Variants in CENPK observed in about 807,000 individuals in gnomAD.
CENPK encodes the protein centromere protein K, also known as SoxLZ/Sox6-binding protein Solt.
A neutral mutation model predicts 40.9 loss-of-function variants in CENPK; 46 were observed. That is an observed-to-expected ratio of 1.13 (90% CI 0.89 to 1.44). CENPK has a LOEUF of 1.44. Ranked by LOEUF, CENPK falls within the 40% of genes most tolerant of loss-of-function variation. The pLI, the probability that CENPK is intolerant of heterozygous loss-of-function variation, is 0.00. For synonymous variants in CENPK, 107 were observed against 104.4 expected (o/e 1.02, Z -0.15); for missense variants, 288 against 303.5 (o/e 0.95, Z 0.38).
intron 9 of CENPK, among the ~76,000 whole-genome samples, chr5:65,526,525 A>G (rs1744735777): frequency 6.6e-6 from 1 of 152,230 alleles, no homozygotes; most frequent in South Asian, 2.1e-4. Context: ...ATATGAACTG[A>G]GAAGGTTCTA....
At chr5:65,534,829 A>C (rs1746584704) in intron 6 of CENPK, among the ~76,000 whole-genome samples, 1 of 152,250 alleles carries the variant, frequency 6.6e-6, no homozygotes, top group Non-Finnish European at 1.5e-5. Flanking sequence ...GAGTTGGGCA[A>C]ACAGTTCTTA....
At chr5:65,551,679 T>C (rs765038147) in intron 4 of CENPK, 43 bp from the exon 5 acceptor site, 5 of 1,033,778 alleles carry the variant, frequency 4.8e-6, no homozygotes, top group African/African-American at 3.3e-5. Context: ...GGACTATTCA[T>C]ACCTATTCAT....
chr5:65,528,493 C>A lies in CENPK; in HGVS notation c.556G>T (p.Asp186Tyr), dbSNP rs773227049. The change falls in exon 9 of 11, where the codon GAC becomes TAC. Residue 186 changes from aspartate to tyrosine, a missense_variant. Asp to Tyr is a radical substitution (Grantham distance 160, BLOSUM62 -3). Coordinates refer to ENST00000396679, the MANE Select transcript of CENPK (RefSeq NM_022145.5). ...CTTCTATCAGGCAGAGGAAAATGGT[C>A]TTCTAGAAACTCGCCCAAGGTACTC... ...LLSTLGEFLE[D>Y]HFPLPDRSVK... is the part of the protein sequence containing the mutation. 9.3e-6 allele frequency: 15 copies of A among 1,606,618 alleles called. No individual in the cohort carries two copies. The highest frequency in any genetic ancestry group is 9.3e-6 in the Non-Finnish European group (11 of 1,177,948).
intron 6 of CENPK, among the ~76,000 whole-genome samples, chr5:65,533,906 G>A (rs1041686448): frequency 2.6e-5 from 4 of 151,738 alleles, no homozygotes; most frequent in Admixed American, 2.0e-4. Flanking sequence ...TTAGCCAGGC[G>A]CACTAGTGGC....
chr5:65,547,409 T>A (rs934203897), intron 5 of CENPK, among the ~76,000 whole-genome samples: 21 of 129,034 alleles, frequency 1.6e-4, no homozygotes, highest in African/African-American at 3.2e-4. Context: ...AAAAAAAAAA[T>A]TTTGAGTATG....
At chr5:65,562,247 G>A (rs185845457) in intron 1 of CENPK, among the ~76,000 whole-genome samples, 51 of 152,294 alleles carry the variant, frequency 3.3e-4, no homozygotes, top group African/African-American at 1.2e-3. Context: ...TCGCTGTGGA[G>A]ATGCTTTCAA....
chr5:65,543,679 A>G (rs1748377565), intron 5 of CENPK, among the ~76,000 whole-genome samples: 1 of 152,224 alleles, frequency 6.6e-6, no homozygotes, highest in Non-Finnish European at 1.5e-5. Flanking sequence ...ACACTTTTAG[A>G]TTAACTTTGT....
Position 65,535,995 on chromosome 5 carries a change from G to T in CENPK, c.289-6796C>A, listed in dbSNP as rs77609628. Among the ~76,000 whole-genome samples, 109 of 152,348 alleles carry T rather than the reference G, an allele frequency of 7.2e-4. 4 individuals are homozygous for T. The East Asian group carries it at 0.021, about 29-fold the overall frequency. ...GCACTGCGATAAGTTACTGTAGGTA[G>T]AAGTTACCAGTAAAATATACAATGA... On this transcript the variant is annotated intron_variant, in intron 6 of 10. Coordinates refer to ENST00000396679, the MANE Select transcript of CENPK (RefSeq NM_022145.5).
rs563611672 is a variant in CENPK, at chr5:65,561,921, T to C, written c.-141-357A>G. On this transcript the variant is annotated intron_variant, in intron 1 of 10. Transcript: ENST00000396679. ...TGGTCAGACACTGGCTTTAGCTGTGTAGATGAAAAAGTCTTTGTACTTGTA... is the reference window on the plus strand; with the variant it reads ...TGGTCAGACACTGGCTTTAGCTGTGCAGATGAAAAAGTCTTTGTACTTGTA... Among the ~76,000 whole-genome samples the C allele has an allele frequency of 5.3e-5, 8 of 152,290 alleles. 2 individuals are homozygous for C. The highest frequency in any genetic ancestry group is 1.9e-4 in the African/African-American group (8 of 41,554).
At chr5:65,547,091 T>C (rs942760466) in intron 5 of CENPK, among the ~76,000 whole-genome samples, 26 of 152,148 alleles carry the variant, frequency 1.7e-4, no homozygotes, top group African/African-American at 6.3e-4. Flanking sequence ...TCTGGAGAAC[T>C]TGAACATTTT....
At chr5:65,514,256 TTTTTTA>T (rs1742701872), downstream of CENPK, among the ~76,000 whole-genome samples, 15 of 28,268 alleles carry the variant, frequency 5.3e-4, no homozygotes, top group African/African-American at 9.9e-4. Context: ...TTTTTTTTTT[TTTTTTA>T]GTTTTTTTTA....
At chr5:65,530,729 T>C (rs980252525) in intron 6 of CENPK, among the ~76,000 whole-genome samples, 2 of 150,984 alleles carry the variant, frequency 1.3e-5, no homozygotes, top group East Asian at 3.9e-4. Flanking sequence ...GGCAACATGG[T>C]GAAACCCTGT....
chr5:65,507,180 T>G, the CENPK span, among the ~76,000 whole-genome samples: 1 of 152,316 alleles, frequency 6.6e-6, no homozygotes, highest in East Asian at 1.9e-4. Context: ...CAGTTCCAGA[T>G]GTCCCATGCA....
chr5:65,554,661 TCTAAAAG>T, intron 3 of CENPK, 129 bp downstream of exon 3: 1 of 621,688 alleles, frequency 1.6e-6, no homozygotes, highest in African/African-American at 1.9e-5. Context: ...TGCTGATAGG[TCTAAAAG>T]CTATATAAAT....
In CENPK at chr5:65,524,495, C is replaced by CA. The variant is rs74708095; in HGVS notation, c.598-2968dup. ...GAAACCCCGTCTCTACTAAAAATAC[C>CA]AAAAAAAAAAAAACCCCCCCACACA... On this transcript the variant is annotated intron_variant, in intron 9 of 10. Transcript: ENST00000396679. 4.1e-3 allele frequency: 545 copies of CA among 134,024 alleles called. 5 individuals carry two copies. Among genetic ancestry groups the CA allele is most frequent in the Non-Finnish European group, 6.2e-3 (379 of 61,576 alleles). The allele number at this position is 134,024 out of a possible 1,614,324, so 8.3% of individuals were successfully genotyped here.
intron 5 of CENPK, chr5:65,551,275 A>C: frequency 3.2e-6 from 1 of 311,330 alleles, no homozygotes; most frequent in Non-Finnish European, 5.9e-6. Context: ...AAAAAAAAGG[A>C]ACAATTTACC....
rs757857332 is a variant in CENPK at position 65,518,457 on chromosome 5, A to G, written c.*18T>C. On this transcript the variant is annotated 3_prime_UTR_variant, in exon 11 of 11. Coordinates refer to ENST00000396679, the MANE Select transcript of CENPK (RefSeq NM_022145.5). Reference sequence around the variant, plus strand: ...GAATGATAAGAATTTTTACTGTGTGAAAAAAGAAAACATCCTTTTACTGAT... The same window carrying G: ...GAATGATAAGAATTTTTACTGTGTGGAAAAAGAAAACATCCTTTTACTGAT... The G allele has an allele frequency of 3.7e-5, 60 of 1,600,394 alleles. No homozygotes were observed. The highest frequency in any genetic ancestry group is 5.0e-5 in the Non-Finnish European group (59 of 1,176,170).
chr5:65,522,675 C>A (rs1467266919), intron 9 of CENPK, among the ~76,000 whole-genome samples: 1 of 152,204 alleles, frequency 6.6e-6, no homozygotes, highest in East Asian at 1.9e-4. Flanking sequence ...AAGTGATCCT[C>A]CCACCTCAGT....
chr5:65,558,559 G>A (rs552274034), intron 2 of CENPK, among the ~76,000 whole-genome samples: 2 of 152,162 alleles, frequency 1.3e-5, no homozygotes, highest in Non-Finnish European at 2.9e-5. Context: ...AAAGTACTGC[G>A]AGTTTAAGAG....
Sources: gnomAD v4.1 joint callset for allele counts (sites outside exome capture counted in the v4.1 genomes callset) on GRCh38, gnomAD v4.1.1 for gene constraint, MANE v1.5 for transcripts, NCBI Gene and HGNC (gene_info 2026-07-23, HGNC 2026-07-21) for gene names.